ZC3H3: variants seen among roughly 807,000 people sequenced by gnomAD.
The protein encoded by ZC3H3 is zinc finger CCCH-type containing 3, also known as zinc finger CCCH domain-containing protein 3.
In ZC3H3, 36 loss-of-function variants were observed where a neutral mutation model predicts 77.3. The observed-to-expected ratio is 0.47, with a 90% CI of 0.36 to 0.61. ZC3H3 has a LOEUF of 0.61. Ranked by LOEUF, ZC3H3 falls within the 20% of genes least tolerant of loss-of-function variation. The pLI, the probability that ZC3H3 is intolerant of heterozygous loss-of-function variation, is 0.00. For missense variants in ZC3H3, 1,331 were observed against 1,312.2 expected (o/e 1.01, Z -0.22); for synonymous variants, 626 against 555.2 (o/e 1.13, Z -1.79).
chr8:143,496,530 C>A (rs1309211411), intron 4 of ZC3H3, among the ~76,000 whole-genome samples: 1 of 152,114 alleles, frequency 6.6e-6, no homozygotes, highest in Non-Finnish European at 1.5e-5. Context: ...TACAGCCTAT[C>A]AAGTGGAGTA....
intron 3 of ZC3H3, among the ~76,000 whole-genome samples, chr8:143,526,462 T>C (rs1440152008): frequency 6.6e-6 from 1 of 152,178 alleles, no homozygotes; most frequent in Non-Finnish European, 1.5e-5. Context: ...TTCCTTCCCA[T>C]CAGGACCCCG....
intron 4 of ZC3H3, among the ~76,000 whole-genome samples, chr8:143,502,840 C>T (rs1202212810): frequency 6.6e-6 from 1 of 152,244 alleles, no homozygotes; most frequent in Non-Finnish European, 1.5e-5. Context: ...CCTTCACTGA[C>T]CTTCTGCCTC....
chr8:143,449,795 C>T (rs1417657302), intron 9 of ZC3H3, among the ~76,000 whole-genome samples: 1 of 152,122 alleles, frequency 6.6e-6, no homozygotes, highest in Non-Finnish European at 1.5e-5. Context: ...CCTAAATCAT[C>T]ATTCTCCAGT....
Position 143,493,616 on chromosome 8 carries a change from C to T in ZC3H3, c.1715+14130G>A, listed in dbSNP as rs1821266659. 6.6e-6 allele frequency among the ~76,000 whole-genome samples: 1 copy of T among 152,230 alleles called. No individual in the cohort carries two copies. Among genetic ancestry groups the T allele is most frequent in the Non-Finnish European group, 1.5e-5 (1 of 68,038 alleles). On this transcript the variant is annotated intron_variant, in intron 4 of 11. Transcript: ENST00000262577. The surrounding 1 kb of genome is among the most constrained non-coding windows in gnomAD (Gnocchi z 4.8). ...AAACAGAGAAATAAATAAATAACCA[C>T]AGCACACTTTGAAACAACTTCCAAA...
chr8:143,439,550 G>C (rs1253371229), intron 11 of ZC3H3, among the ~76,000 whole-genome samples: 3 of 152,220 alleles, frequency 2.0e-5, no homozygotes, highest in Non-Finnish European at 4.4e-5. Context: ...CTCATCGGGG[G>C]AGAGGGAACA....
In ZC3H3 at chr8:143,475,575, G is replaced by C; in HGVS notation, c.1726C>G (p.Leu576Val). The C allele has an allele frequency of 1.3e-6, 2 of 1,598,408 alleles. No individual in the cohort carries two copies. The highest frequency in any genetic ancestry group is 1.7e-6 in the Non-Finnish European group (2 of 1,172,912). The part of the protein sequence containing the change: ...RRLSLSRSLV[L>V]NRLRPVASGG... Reference sequence around the variant, plus strand: ...CTGGCAACTGGACGCAGGCGGTTCAGCACCAGGGACCTGCAGAGACAGGAA... The same window carrying C: ...CTGGCAACTGGACGCAGGCGGTTCACCACCAGGGACCTGCAGAGACAGGAA... Residue 576 changes from leucine (L) to valine (V), a missense_variant, in exon 5 of 12, where the codon CTG (leucine) becomes GTG (valine). Leu to Val is a conservative substitution (Grantham distance 32). Around this residue, in one of 3 missense-constraint regions of ZC3H3, gnomAD observed 978 missense variants for 915.5 expected, o/e 1.07. Transcript: ENST00000262577.
At chr8:143,516,550 CACACACACACACACACAT>C (rs767615984) in intron 3 of ZC3H3, among the ~76,000 whole-genome samples, 4,931 of 141,542 alleles carry the variant, frequency 0.035, 115 homozygotes, top group African/African-American at 0.081. Context: ...CACACACACA[CACACACACACACACACAT>C]ACACACACAC....
chr8:143,507,731 A>T lies in ZC3H3; in HGVS notation c.1715+15T>A. ...AGTTCCCAGGCCTGCAGGAGCCTGC[A>T]GGAAGCCTTCCTACCTGGATAGTGA... is the stretch of plus-strand genomic sequence containing the variant. On this transcript the variant is annotated intron_variant, in intron 4 of 11. Transcript: ENST00000262577. The T allele has an allele frequency of 6.5e-7, 1 of 1,547,788 alleles. No individual in the cohort carries two copies. The highest frequency in any genetic ancestry group is 8.7e-7 in the Non-Finnish European group (1 of 1,147,454).
rs566671971 is a variant in ZC3H3 at position 143,440,551 on chromosome 8, C to A, written c.2493-188G>T. Among the ~76,000 whole-genome samples, 459 of 152,282 alleles carry A rather than the reference C, an allele frequency of 3.0e-3. 1 individual carries two copies. Among genetic ancestry groups the A allele is most frequent in the Non-Finnish European group, 3.8e-3 (258 of 68,006 alleles). ...GCTGGGTGCAGGGATGGCCCCAGCT[C>A]CACACCGAGCCTGCCCCTCACATCC... On this transcript the variant is annotated intron_variant, in intron 10 of 11. Coordinates refer to ENST00000262577, the MANE Select transcript of ZC3H3 (RefSeq NM_015117.3).
Position 143,541,435 on chromosome 8 carries a change from G to A in ZC3H3, c.-14C>T, listed in dbSNP as rs760594196. 3.1e-6 allele frequency: 5 copies of A among 1,611,524 alleles called. No individual in the cohort carries two copies. In the South Asian group the frequency reaches 3.3e-5, roughly 11 times the overall value. On this transcript the variant is annotated 5_prime_UTR_variant, in exon 1 of 12. Coordinates refer to ENST00000262577, the MANE Select transcript of ZC3H3 (RefSeq NM_015117.3). Reference sequence around the variant, plus strand: ...CTTTTCCTCCATCTCCCGAGTCCGCGACGGCCGGCCAGGCCCCCACGACGT... The same window carrying A: ...CTTTTCCTCCATCTCCCGAGTCCGCAACGGCCGGCCAGGCCCCCACGACGT...
At chr8:143,522,145 A>G (rs774877066) in intron 3 of ZC3H3, among the ~76,000 whole-genome samples, 7 of 152,232 alleles carry the variant, frequency 4.6e-5, no homozygotes, top group Non-Finnish European at 7.3e-5. Context: ...ACCCCGAAAC[A>G]GAACTGATGA....
rs1429316386 is a variant in ZC3H3 at position 143,475,526 on chromosome 8, C to G, written c.1775G>C (p.Gly592Ala). The G allele has an allele frequency of 6.2e-7, 1 of 1,611,438 alleles. No individual in the cohort carries two copies. The highest frequency in any genetic ancestry group is 1.3e-5 in the African/African-American group (1 of 75,042). The change falls in exon 5 of 12, where the codon GGC becomes GCC. Residue 592 changes from glycine to alanine, a missense_variant. Coordinates refer to ENST00000262577, the MANE Select transcript of ZC3H3 (RefSeq NM_015117.3). ...GCCTTTGCTCCGCCACCAAGGGGAGCCCGGTTGGGCTTTCCCACCCCCGCT... is the reference window on the plus strand; with the variant it reads ...GCCTTTGCTCCGCCACCAAGGGGAGGCCGGTTGGGCTTTCCCACCCCCGCT... Reference protein sequence around the residue: ...VASGGGKAQPGSPWWRSKGYR... With the variant: ...VASGGGKAQPASPWWRSKGYR...
At position 143,489,853 on chromosome 8, in the gene ZC3H3, C is replaced by T. The variant is rs186968744; in HGVS notation, c.1716-14268G>A. ...AGACGTCCAACCGCAAATTAAACCG[C>T]GCCTGACTCTGGGGAGTGGACGGGG... is the stretch of plus-strand genomic sequence containing the variant. On this transcript the variant is annotated intron_variant, in intron 4 of 11. Coordinates refer to ENST00000262577, the MANE Select transcript of ZC3H3 (RefSeq NM_015117.3). 2.6e-4 allele frequency among the ~76,000 whole-genome samples: 40 copies of T among 152,286 alleles called. No homozygotes were observed. In the East Asian group the frequency reaches 7.1e-3, roughly 27 times the overall value.
intron 9 of ZC3H3, among the ~76,000 whole-genome samples, chr8:143,452,966 A>G (rs1236677097): frequency 6.6e-6 from 1 of 152,244 alleles, no homozygotes; most frequent in East Asian, 1.9e-4. Flanking sequence ...AACCTCAGAC[A>G]GGATAGACCA....
At chr8:143,485,683 C>A (rs756042574) in intron 4 of ZC3H3, among the ~76,000 whole-genome samples, 1 of 152,220 alleles carries the variant, frequency 6.6e-6, no homozygotes, top group Non-Finnish European at 1.5e-5. Context: ...AACCAGATGC[C>A]GTGGAAGAGC....
intron 3 of ZC3H3, among the ~76,000 whole-genome samples, chr8:143,513,788 C>A (rs557387868): frequency 6.6e-6 from 1 of 152,342 alleles, no homozygotes; most frequent in East Asian, 1.9e-4. Context: ...CCCTTCCCTG[C>A]ATAGCCAGGC....
chr8:143,457,407 G>A (rs1361158199), intron 9 of ZC3H3, among the ~76,000 whole-genome samples: 1 of 152,098 alleles, frequency 6.6e-6, no homozygotes, highest in Non-Finnish European at 1.5e-5. Flanking sequence ...AGGGCAAAGA[G>A]AAAATCTCAA....
At chr8:143,513,963 C>T (rs1372412161) in intron 3 of ZC3H3, among the ~76,000 whole-genome samples, 1 of 152,188 alleles carries the variant, frequency 6.6e-6, no homozygotes, top group Non-Finnish European at 1.5e-5. Flanking sequence ...GGCTGCACAA[C>T]AAGGGCCCCT....
At chr8:143,448,593 G>A (rs148313899) in intron 9 of ZC3H3, among the ~76,000 whole-genome samples, 5 of 152,210 alleles carry the variant, frequency 3.3e-5, no homozygotes, top group Admixed American at 6.5e-5. Flanking sequence ...AGCCAGCTCC[G>A]CCGCCATGGC....
Sources: allele counts gnomAD v4.1 joint callset (sites outside exome capture counted in the v4.1 genomes callset), GRCh38; gene constraint gnomAD v4.1.1; regional missense constraint gnomAD v4.1.1; non-coding constraint Gnocchi (gnomAD v3.1); transcripts MANE v1.5; gene names NCBI Gene and HGNC (gene_info 2026-07-23, HGNC 2026-07-21).